Variants in ADAM12 observed in about 807,000 individuals in gnomAD.
ADAM12 encodes the protein disintegrin and metalloproteinase domain-containing protein 12.
A neutral mutation model predicts 106.4 loss-of-function variants in ADAM12; 70 were observed. The observed-to-expected ratio is 0.66, with a 90% CI of 0.54 to 0.80. The LOEUF is 0.80. Ranked by LOEUF, ADAM12 falls within the 30% of genes least tolerant of loss-of-function variation. ADAM12 has a pLI of 0.00. For missense variants in ADAM12, 1,010 were observed against 1,171.9 expected, an observed-to-expected ratio of 0.86 and a Z score of 2.02; for synonymous variants, 420 against 433.5, an observed-to-expected ratio of 0.97 and a Z score of 0.39.
At chr10:126,256,165 C>T (rs1486129900) in intron 3 of ADAM12, among the ~76,000 whole-genome samples, 1 of 152,100 alleles carries the variant, frequency 6.6e-6, no homozygotes, top group African/African-American at 2.4e-5. Flanking sequence ...GGTTTTTGCT[C>T]CAGGTGATTC....
intron 4 of ADAM12, among the ~76,000 whole-genome samples, chr10:126,152,237 G>A (rs2133715452): frequency 6.6e-6 from 1 of 151,926 alleles, no homozygotes; most frequent in South Asian, 2.1e-4. Flanking sequence ...AACCTTCTAG[G>A]AACCAAACAA....
At chr10:126,134,367 ATGTT>A (rs1485242736) in intron 5 of ADAM12, among the ~76,000 whole-genome samples, 2 of 152,194 alleles carry the variant, frequency 1.3e-5, no homozygotes, top group Non-Finnish European at 2.9e-5. Context: ...ATGTGACTCT[ATGTT>A]TGTAAAAATA....
intron 3 of ADAM12, among the ~76,000 whole-genome samples, chr10:126,165,778 C>G (rs191822836): frequency 1.2e-4 from 19 of 152,354 alleles, no homozygotes; most frequent in Admixed American, 1.2e-3. Context: ...GGAAGAGACA[C>G]TTGAAAACGG....
intron 3 of ADAM12, among the ~76,000 whole-genome samples, chr10:126,171,383 C>A (rs1957117355): frequency 1.3e-5 from 2 of 152,034 alleles, no homozygotes; most frequent in Non-Finnish European, 2.9e-5. Flanking sequence ...ACTTAAAAAA[C>A]CGTGGCAGGG....
intron 3 of ADAM12, among the ~76,000 whole-genome samples, chr10:126,207,881 C>T (rs1246945596): frequency 1.3e-5 from 2 of 152,084 alleles, no homozygotes; most frequent in Non-Finnish European, 2.9e-5. Flanking sequence ...TATACAGAAA[C>T]CCTTACATGT....
At position 126,017,302 on chromosome 10, in the gene ADAM12, T is replaced by C; in HGVS notation, c.2698A>G (p.Thr900Ala). The C allele has an allele frequency of 6.3e-7, 1 of 1,592,080 alleles. No homozygotes were observed. Among genetic ancestry groups the C allele is most frequent in the South Asian group, 1.1e-5 (1 of 87,590 alleles). ...TCTCACTTAATATAGGCGGTGTGGG[T>C]GGATCTGGGCACTTGGTGTGGATAT... ...PQYPHQVPRS[T>A]HTAYIK Residue 900 changes from threonine to alanine, a missense_variant, in exon 23 of 23, where the codon ACC becomes GCC. Coordinates refer to ENST00000448723, the MANE Select transcript of ADAM12 (RefSeq NM_001288973.2).
chr10:126,089,046 G>A (rs1196168239), intron 11 of ADAM12, among the ~76,000 whole-genome samples: 2 of 152,052 alleles, frequency 1.3e-5, no homozygotes, highest in Admixed American at 1.3e-4. Context: ...ACACGAACAC[G>A]CTGCCCGCCC....
Position 126,049,398 on chromosome 10 carries a change from A to G in ADAM12, c.1772T>C (p.Ile591Thr), listed in dbSNP as rs544697608. 1.6e-4 allele frequency: 253 copies of G among 1,614,196 alleles called. 1 individual carries two copies. The South Asian group carries it at 2.5e-3, about 16-fold the overall frequency. ...TTCTATGGAAACGGCATTGGTACCA[A>G]TGACTGGCCGGCTGGCACCTCCTTG... Reference protein sequence around the residue: ...QCQGGASRPVIGTNAVSIETN... With the variant: ...QCQGGASRPVTGTNAVSIETN... Residue 591 changes from isoleucine to threonine, a missense_variant, in exon 16 of 23, where the codon ATT (isoleucine) becomes ACT (threonine). By Grantham distance (89) the Ile-to-Thr change is moderately conservative (BLOSUM62 -1). Transcript: ENST00000448723. This position sits in a 1 kb window ranked among gnomAD's most constrained non-coding sequence, Gnocchi z 4.4.
intron 18 of ADAM12, among the ~76,000 whole-genome samples, chr10:126,040,849 G>C (rs1307841434): frequency 3.3e-5 from 5 of 152,092 alleles, no homozygotes; most frequent in Admixed American, 6.5e-5. Context: ...GAACTCCCCA[G>C]GGTTGCTCAA....
intron 3 of ADAM12, among the ~76,000 whole-genome samples, chr10:126,233,531 G>A (rs1012846691): frequency 8.0e-5 from 12 of 150,620 alleles, no homozygotes; most frequent in African/African-American, 2.9e-4. Flanking sequence ...TTGGGGAAAG[G>A]AGGCATAGTT....
intron 1 of ADAM12, among the ~76,000 whole-genome samples, chr10:126,361,964 C>T (rs1414297823): frequency 3.3e-5 from 5 of 151,510 alleles, no homozygotes. Flanking sequence ...AGCTTTCACA[C>T]AATGAAGAAA....
rs984095456 is a variant in ADAM12, at chr10:126,108,657, C to T, written c.677G>A (p.Arg226Lys). 6.2e-6 allele frequency: 10 copies of T among 1,613,680 alleles called. No individual in the cohort carries two copies. Among genetic ancestry groups the T allele is most frequent in the Non-Finnish European group, 8.5e-6 (10 of 1,179,710 alleles). Reference protein sequence around the residue: ...VIVADNREFQRQGKDLEKVKQ... With the variant: ...VIVADNREFQKQGKDLEKVKQ... ...AACTTTTTCCAGATCTTTTCCTTGC[C>T]TCTGAAACTTAACAATTTTAAATGG... is the stretch of plus-strand genomic sequence containing the variant. Residue 226 changes from arginine to lysine, a missense_variant, in exon 8 of 23, where the codon AGG (arginine) becomes AAG (lysine). Around this residue, in one of 3 missense-constraint regions of ADAM12, gnomAD observed 391 missense variants for 442.9 expected, o/e 0.88. Transcript: ENST00000448723.
intron 3 of ADAM12, among the ~76,000 whole-genome samples, chr10:126,223,479 A>G (rs186271170): frequency 2.4e-4 from 36 of 152,354 alleles, no homozygotes; most frequent in Admixed American, 2.2e-3. Flanking sequence ...TCTATTTTGA[A>G]TGCCCTTGAA....
intron 2 of ADAM12, among the ~76,000 whole-genome samples, chr10:126,322,217 G>C (rs192665680): frequency 7.9e-5 from 12 of 152,110 alleles, no homozygotes; most frequent in Non-Finnish European, 1.5e-4. Context: ...CTGCTTCTAC[G>C]CAACAGCCCA....
chr10:126,267,494 C>A (rs7917214), intron 3 of ADAM12, among the ~76,000 whole-genome samples: 151 of 152,280 alleles, frequency 9.9e-4, no homozygotes, highest in Middle Eastern at 6.8e-3. Flanking sequence ...TGGGAGACAG[C>A]GACAGATCAT....
chr10:126,042,150 G>C, intron 18 of ADAM12: 1 of 1,613,758 alleles, frequency 6.2e-7, no homozygotes, highest in Non-Finnish European at 8.5e-7. Context: ...GTGTCAGTGA[G>C]GCAGTAGACG....
chr10:126,098,392 C>T (rs1159412795), intron 10 of ADAM12, 24 bp downstream of exon 10: 1 of 1,596,298 alleles, frequency 6.3e-7, no homozygotes, highest in Non-Finnish European at 8.6e-7. Context: ...CAAGGGGAAC[C>T]AGCTCCCAAT....
intron 11 of ADAM12, 105 bp from the exon 12 acceptor site, chr10:126,071,759 G>T: frequency 8.0e-7 from 1 of 1,243,100 alleles, no homozygotes; most frequent in Non-Finnish European, 1.1e-6. Flanking sequence ...CTGCCCAGGT[G>T]TTCACTGGTG....
intron 3 of ADAM12, among the ~76,000 whole-genome samples, chr10:126,200,506 T>C (rs1957678658): frequency 6.6e-6 from 1 of 152,168 alleles, no homozygotes; most frequent in South Asian, 2.1e-4. Context: ...TCCCACTACT[T>C]GGTGAGATCT....
Sources: allele counts gnomAD v4.1 joint callset (sites outside exome capture counted in the v4.1 genomes callset), GRCh38; gene constraint gnomAD v4.1.1; regional missense constraint gnomAD v4.1.1; non-coding constraint Gnocchi (gnomAD v3.1); transcripts MANE v1.5; gene names NCBI Gene and HGNC (gene_info 2026-07-23, HGNC 2026-07-21).